The following PGBD2 variants were observed in gnomAD, a reference collection of about 807,000 sequenced individuals.
The protein encoded by PGBD2 is piggyBac transposable element-derived protein 2.
Under a neutral mutation model 8.1 loss-of-function variants are expected in PGBD2, and 6 were observed. The ratio of observed to expected loss-of-function variants is 0.74; its 90% CI spans 0.40 to 1.46. PGBD2 has a LOEUF of 1.46. PGBD2 is among the 40% of genes most tolerant of loss of function. The pLI is 0.02. For synonymous variants in PGBD2, 318 were observed against 272.2 expected, an observed-to-expected ratio of 1.17 and a Z score of -1.66; for missense variants, 802 against 739.0, an observed-to-expected ratio of 1.09 and a Z score of -0.99.
At chr1:248,906,482 C>T (rs961946522) in intron 1 of PGBD2, 140 bp downstream of exon 1, 1 of 150,894 alleles carries the variant, frequency 6.6e-6, no homozygotes, top group Non-Finnish European at 1.5e-5. Context: ...CTGGCGGGAC[C>T]AGGACAGGAA....
At chr1:248,873,963 T>G in the PGBD2 span, among the ~76,000 whole-genome samples, 1 of 152,124 alleles carries the variant, frequency 6.6e-6, no homozygotes, top group Non-Finnish European at 1.5e-5. Context: ...TTCTGACACA[T>G]TCGTTTTATT....
At chr1:248,902,043 C>T (rs1003499608), upstream of PGBD2, among the ~76,000 whole-genome samples, 6 of 152,022 alleles carry the variant, frequency 3.9e-5, no homozygotes, top group Non-Finnish European at 7.4e-5. Context: ...CCAAGGCAAG[C>T]GGATCACTTG....
In PGBD2 at chr1:248,916,668, T is replaced by G. The variant is rs751587040; in HGVS notation, c.84T>G (p.Asn28Lys). Residue 28 changes from asparagine to lysine, a missense_variant, in exon 3 of 3, where the codon AAT becomes AAG. Transcript: ENST00000329291. ...VKSAKLLEVL[N>K]AMEEEESNNN... ...CTGCAAAGCTGCTTGAGGTTCTGAATGCTATGGAGGAGGAAGAGTCCAACA... is the reference window on the plus strand; with the variant it reads ...CTGCAAAGCTGCTTGAGGTTCTGAAGGCTATGGAGGAGGAAGAGTCCAACA... 3.1e-6 allele frequency: 5 copies of G among 1,614,012 alleles called. No individual in the cohort carries two copies. The highest frequency in any genetic ancestry group is 4.2e-6 in the Non-Finnish European group (5 of 1,180,030).
intron 2 of PGBD2, among the ~76,000 whole-genome samples, chr1:248,914,969 C>T (rs1662041699): frequency 6.6e-6 from 1 of 152,216 alleles, no homozygotes; most frequent in African/African-American, 2.4e-5. Context: ...TTTCTCTCTG[C>T]CTGGGACATC....
chr1:248,886,699 C>T, the PGBD2 span, among the ~76,000 whole-genome samples: 1 of 152,318 alleles, frequency 6.6e-6, no homozygotes, highest in Non-Finnish European at 1.5e-5. Context: ...TGAATGCATG[C>T]TCCAGCTGTG....
chr1:248,926,501 A>G, the PGBD2 span, among the ~76,000 whole-genome samples: 1 of 152,186 alleles, frequency 6.6e-6, no homozygotes, highest in Non-Finnish European at 1.5e-5. Flanking sequence ...CCTTCACTGC[A>G]TGATACTGTT....
chr1:248,889,134 CA>C, the PGBD2 span, among the ~76,000 whole-genome samples: 1 of 152,130 alleles, frequency 6.6e-6, no homozygotes, highest in South Asian at 2.1e-4. Context: ...CGCCTGTAAT[CA>C]CAGCACTTTG....
downstream of PGBD2, among the ~76,000 whole-genome samples, chr1:248,923,843 TG>T (rs1662333836): frequency 6.6e-6 from 1 of 152,206 alleles, no homozygotes; most frequent in Admixed American, 6.5e-5. Context: ...GTGAGAATTC[TG>T]GCTGGAGTTA....
chr1:248,880,326 T>C, the PGBD2 span, among the ~76,000 whole-genome samples: 1 of 152,230 alleles, frequency 6.6e-6, no homozygotes, highest in African/African-American at 2.4e-5. Flanking sequence ...AGAAAAGGCA[T>C]ATGACATTTT....
At chr1:248,912,055 G>A (rs1661911853) in intron 1 of PGBD2, among the ~76,000 whole-genome samples, 2 of 152,178 alleles carry the variant, frequency 1.3e-5, no homozygotes, top group Admixed American at 6.5e-5. Flanking sequence ...CAGGTGGCTT[G>A]CCAGCAGTCA....
intron 2 of PGBD2, among the ~76,000 whole-genome samples, chr1:248,915,746 C>T (rs192893851): frequency 2.5e-3 from 377 of 152,204 alleles, no homozygotes; most frequent in African/African-American, 8.7e-3. Context: ...GTAGGATAAC[C>T]GCAAGGGAGC....
chr1:248,920,120 G>T (rs1447864812), downstream of PGBD2, among the ~76,000 whole-genome samples: 9 of 149,312 alleles, frequency 6.0e-5, no homozygotes, highest in African/African-American at 2.2e-4. Flanking sequence ...CAAGTGATTT[G>T]CCCACCTCAG....
At chr1:248,923,740 A>T (rs1411826263), downstream of PGBD2, among the ~76,000 whole-genome samples, 1 of 152,236 alleles carries the variant, frequency 6.6e-6, no homozygotes, top group Non-Finnish European at 1.5e-5. Context: ...GCCATTTTAC[A>T]GTCCAAGATG....
chr1:248,899,647 C>T, the PGBD2 span, among the ~76,000 whole-genome samples: 6 of 151,946 alleles, frequency 3.9e-5, no homozygotes, highest in East Asian at 1.2e-3. Flanking sequence ...CCAGAAAGAG[C>T]TCAAGTCAAT....
chr1:248,884,150 A>G, the PGBD2 span, among the ~76,000 whole-genome samples: 1,735 of 152,300 alleles, frequency 0.011, 28 homozygotes, highest in African/African-American at 0.04. Context: ...GTCCAGCTTC[A>G]TTCTTCTGCA....
chr1:248,907,165 G>A (rs1661677085), intron 1 of PGBD2, among the ~76,000 whole-genome samples: 1 of 152,182 alleles, frequency 6.6e-6, no homozygotes, highest in Non-Finnish European at 1.5e-5. Flanking sequence ...GGTCAGCAAA[G>A]AAACATGTGA....
chr1:248,911,161 G>A lies in PGBD2; in HGVS notation c.-47-2655G>A, dbSNP rs151192882. Reference sequence around the variant, plus strand: ...TATTGATCATTCTTGGGTGTTTCTCGGAGAGGGGGATTTGGCAGGGTCATA... The same window carrying A: ...TATTGATCATTCTTGGGTGTTTCTCAGAGAGGGGGATTTGGCAGGGTCATA... On this transcript the variant is annotated intron_variant, in intron 1 of 2. Coordinates refer to ENST00000329291, the MANE Select transcript of PGBD2 (RefSeq NM_170725.3). 9.7e-3 allele frequency among the ~76,000 whole-genome samples: 1,469 copies of A among 151,500 alleles called. 28 individuals carry two copies. Among genetic ancestry groups the A allele is most frequent in the African/African-American group, 0.034 (1,395 of 41,192 alleles).
the PGBD2 span, among the ~76,000 whole-genome samples, chr1:248,889,371 C>T: frequency 1.3e-5 from 2 of 151,934 alleles, no homozygotes; most frequent in African/African-American, 4.8e-5. Flanking sequence ...GGTGACGGAG[C>T]GAGACTTCTC....
At chr1:248,925,412 C>T in the PGBD2 span, among the ~76,000 whole-genome samples, 2 of 152,188 alleles carry the variant, frequency 1.3e-5, no homozygotes, top group Admixed American at 6.5e-5. Flanking sequence ...GCTGCAAAAC[C>T]GCTGACTGTT....
Sources: allele counts gnomAD v4.1 joint callset (sites outside exome capture counted in the v4.1 genomes callset), GRCh38; gene constraint gnomAD v4.1.1; transcripts MANE v1.5; gene names NCBI Gene and HGNC (gene_info 2026-07-23, HGNC 2026-07-21).